KCTD13: variants seen among roughly 807,000 people sequenced by gnomAD.
KCTD13 encodes potassium channel tetramerization domain containing 13, also known as BTB/POZ domain-containing adapter for CUL3-mediated RhoA degradation protein 1.
Under a neutral mutation model 32.3 loss-of-function variants are expected in KCTD13, and 15 were observed. The ratio of observed to expected loss-of-function variants is 0.46; its 90% confidence interval spans 0.31 to 0.71. The LOEUF is 0.71. KCTD13 is among the 30% of genes least tolerant of loss of function. The pLI is 0.05. For missense variants in KCTD13, 337 were observed against 452.6 expected (o/e 0.74, Z 2.32); for synonymous variants, 189 against 200.1 (o/e 0.94, Z 0.47).
intron 2 of KCTD13, chr16:29,921,606 C>G (rs1447310497): frequency 6.6e-6 from 1 of 152,156 alleles, no homozygotes; most frequent in Non-Finnish European, 1.5e-5. Context: ...TCCTGACACA[C>G]AGTGGGTACA....
chr16:29,916,689 C>G (rs980463314), intron 2 of KCTD13, among the ~76,000 whole-genome samples: 13 of 152,194 alleles, frequency 8.5e-5, no homozygotes, highest in Non-Finnish European at 1.5e-4. Flanking sequence ...CAGAGCAAGA[C>G]TCTGTCTCTA....
In KCTD13 at chr16:29,906,805, G is replaced by A; in HGVS notation, c.*67C>T. 1.4e-6 allele frequency: 2 copies of A among 1,417,276 alleles called. No homozygotes were observed. The highest frequency in any genetic ancestry group is 2.0e-6 in the Non-Finnish European group (2 of 1,016,844). The allele number at this position is 1,417,276 out of a possible 1,614,324, so 87.8% of individuals were successfully genotyped here. A position where few individuals can be genotyped will look rare whatever the true frequency, so the allele number is the denominator to read the frequency against. On this transcript the variant is annotated 3_prime_UTR_variant, in exon 6 of 6. Transcript: ENST00000568000. Reference sequence around the variant, plus strand: ...CCAGCAGAGCCGGGGCAAAAGTCTGGGAAGGGGAGGGAAAGAGAGAGGGAC... The same window carrying A: ...CCAGCAGAGCCGGGGCAAAAGTCTGAGAAGGGGAGGGAAAGAGAGAGGGAC...
At position 29,926,197 on chromosome 16, in the gene KCTD13, G is replaced by T; in HGVS notation, c.-164C>A. The T allele has an allele frequency of 1.2e-6, 1 of 801,776 alleles. No homozygotes were observed. The highest frequency in any genetic ancestry group is 1.8e-6 in the Non-Finnish European group (1 of 567,366). The allele number at this position is 801,776 out of a possible 1,614,324, so 49.7% of individuals were successfully genotyped here. Reference sequence around the variant, plus strand: ...ACCGGCCCTCCGCCCCATCTCGCTCGCACCACCCGGAAGCCGGCGCCGGGC... The same window carrying T: ...ACCGGCCCTCCGCCCCATCTCGCTCTCACCACCCGGAAGCCGGCGCCGGGC... On this transcript the variant is annotated 5_prime_UTR_variant, in exon 1 of 6. Transcript: ENST00000568000.
chr16:29,909,689 T>C (rs965676276), intron 5 of KCTD13, among the ~76,000 whole-genome samples: 15 of 140,660 alleles, frequency 1.1e-4, no homozygotes, highest in Non-Finnish European at 1.4e-4. Flanking sequence ...TGAGTTTCCC[T>C]TTTTTTTTTT....
chr16:29,910,987 C>T lies in KCTD13; in HGVS notation c.744G>A (p.Lys248=). ...CTSIVYATEK[K]QTKVEFPEAR... The stretch of plus-strand genomic sequence containing the variant: ...CTGGAGCCCCTCTGACCTTGGTCTG[C>T]TTCTTCTCCGTAGCATAGACAATGG... The change falls in exon 5 of 6, where the codon AAG becomes AAA. Residue 248 remains lysine (K), a synonymous_variant. Transcript: ENST00000568000. 2 of 1,613,906 alleles carry T rather than the reference C, an allele frequency of 1.2e-6. No homozygotes were observed. The highest frequency in any genetic ancestry group is 1.7e-6 in the Non-Finnish European group (2 of 1,179,868).
At position 29,906,794 on chromosome 16, in the gene KCTD13, G is replaced by C; in HGVS notation, c.*78C>G. ...CCACGACTTGGCCAGCAGAGCCGGG[G>C]CAAAAGTCTGGGAAGGGGAGGGAAA... On this transcript the variant is annotated 3_prime_UTR_variant, in exon 6 of 6. Transcript: ENST00000568000. 7.6e-7 allele frequency: 1 copy of C among 1,317,036 alleles called. No homozygotes were observed. The allele number at this position is 1,317,036 out of a possible 1,614,324, so 81.6% of individuals were successfully genotyped here.
At chr16:29,916,309 G>T (rs1021693118) in intron 2 of KCTD13, among the ~76,000 whole-genome samples, 1 of 151,924 alleles carries the variant, frequency 6.6e-6, no homozygotes, top group African/African-American at 2.4e-5. Context: ...GGCTGGTCTC[G>T]AACTCCTGAA....
chr16:29,909,894 G>A (rs1221812038), intron 5 of KCTD13, among the ~76,000 whole-genome samples: 1 of 151,720 alleles, frequency 6.6e-6, no homozygotes, highest in African/African-American at 2.4e-5. Context: ...ACATGGCGAA[G>A]TCTCTACTAA....
intron 5 of KCTD13, among the ~76,000 whole-genome samples, chr16:29,908,683 CT>C (rs576706189): frequency 4.2e-3 from 565 of 136,046 alleles, no homozygotes; most frequent in Non-Finnish European, 4.7e-3. Context: ...CATGCCCGGC[CT>C]TTTTTTTTTT....
In KCTD13 at chr16:29,907,128, C is replaced by G; in HGVS notation, c.754-20G>C. On this transcript the variant is annotated intron_variant, in intron 5 of 5. Transcript: ENST00000568000. Reference sequence around the variant, plus strand: ...TTCCACCTGCAAAAGGCCAGCCGGCCCCAGCTCCTTCCTTCTGGTGCAGTC... The same window carrying G: ...TTCCACCTGCAAAAGGCCAGCCGGCGCCAGCTCCTTCCTTCTGGTGCAGTC... The G allele has an allele frequency of 6.4e-7, 1 of 1,560,592 alleles. No homozygotes were observed.
intron 1 of KCTD13, among the ~76,000 whole-genome samples, chr16:29,924,173 T>G (rs1377556220): frequency 8.7e-6 from 1 of 114,696 alleles, no homozygotes; most frequent in African/African-American, 3.7e-5. Context: ...AAACTCCATC[T>G]CAAAAAAAAA....
chr16:29,907,979 T>TAA (rs1171441273), intron 5 of KCTD13, among the ~76,000 whole-genome samples: 30 of 137,526 alleles, frequency 2.2e-4, no homozygotes, highest in Non-Finnish European at 2.9e-4. Flanking sequence ...CCTCATCTAT[T>TAA]AAAAAAAAAA....
chr16:29,921,991 G>A (rs1027486984), intron 2 of KCTD13: 1 of 152,066 alleles, frequency 6.6e-6, no homozygotes, highest in Non-Finnish European at 1.5e-5. Flanking sequence ...AAATGCTACA[G>A]AGCAGGAATG....
At chr16:29,925,109 A>G (rs1420634745) in intron 1 of KCTD13, among the ~76,000 whole-genome samples, 4 of 151,362 alleles carry the variant, frequency 2.6e-5, no homozygotes, top group Admixed American at 2.0e-4. Context: ...CTCCCTTAAG[A>G]CTCTCCCACT....
At chr16:29,923,071 T>G in intron 2 of KCTD13, 119 bp downstream of exon 2, 1 of 1,135,590 alleles carries the variant, frequency 8.8e-7, no homozygotes, top group Non-Finnish European at 1.2e-6. Context: ...TTCTCTGGGG[T>G]TATGGCCAGC....
At chr16:29,925,603 A>C (rs2068980687) in intron 1 of KCTD13, 187 bp downstream of exon 1, 2 of 619,048 alleles carry the variant, frequency 3.2e-6, no homozygotes. Flanking sequence ...GGATTGGGGG[A>C]GGAGAAGAGA....
At chr16:29,917,492 C>T (rs528351744) in intron 2 of KCTD13, among the ~76,000 whole-genome samples, 21 of 151,988 alleles carry the variant, frequency 1.4e-4, no homozygotes, top group South Asian at 4.2e-4. Flanking sequence ...ACAAAAAATA[C>T]AAAAATTAGA....
Position 29,918,725 on chromosome 16 carries a change from C to T in KCTD13, c.414+4465G>A, listed in dbSNP as rs543379038. ...AGGCTGGAGTGCAGTGGCACGATCT[C>T]GGCTCACTGCAACCTCTGCCTCCCC... On this transcript the variant is annotated intron_variant, in intron 2 of 5. Transcript: ENST00000568000. Among the ~76,000 whole-genome samples, 15 of 151,932 alleles carry T rather than the reference C, an allele frequency of 9.9e-5. 1 individual carries two copies. The highest frequency in any genetic ancestry group is 2.2e-4 in the Non-Finnish European group (15 of 67,988).
intron 4 of KCTD13, 156 bp from the exon 5 acceptor site, chr16:29,911,329 G>C (rs1458164270): frequency 2.2e-5 from 14 of 637,366 alleles, no homozygotes; most frequent in Non-Finnish European, 3.5e-5. Context: ...CAGGCTAAAC[G>C]GGTCTCAGAA....
Sources: allele counts gnomAD v4.1 joint callset (sites outside exome capture counted in the v4.1 genomes callset), GRCh38; gene constraint gnomAD v4.1.1; transcripts MANE v1.5; gene names NCBI Gene and HGNC (gene_info 2026-07-23, HGNC 2026-07-21).